The following SHISA9 variants were observed in gnomAD, a reference collection of about 807,000 sequenced individuals.
SHISA9 encodes shisa family member 9, also known as protein shisa-9.
A neutral mutation model predicts 38.0 loss-of-function variants in SHISA9; 13 were observed. That is an observed-to-expected ratio of 0.34 (90% CI 0.22 to 0.54). SHISA9 has a LOEUF of 0.54. Among genes scored for constraint, SHISA9 ranks in the 20% least tolerant of loss-of-function variants. The probability of loss-of-function intolerance (pLI) is 0.91; values close to 1 mark genes in which losing one functional copy is unlikely to be tolerated. For missense variants in SHISA9, 538 were observed against 575.8 expected, an observed-to-expected ratio of 0.93 and a Z score of 0.67; for synonymous variants, 275 against 242.0, an observed-to-expected ratio of 1.14 and a Z score of -1.27.
the SHISA9 span, among the ~76,000 whole-genome samples, chr16:13,379,047 T>C: frequency 0.013 from 1,914 of 152,196 alleles, 47 homozygotes; most frequent in African/African-American, 0.043. Context: ...CATCACTCAA[T>C]TCCCAGTGGT....
Position 13,124,415 on chromosome 16 carries a change from C to G in SHISA9, c.692-78979C>G, listed in dbSNP as rs564118991. ...GGAGGGATGGTGTCAGTTCCCCAAG[C>G]CCAAGAAAGGTTGGACCTGTTAGAG... On this transcript the variant is annotated intron_variant, in intron 2 of 4. Coordinates refer to ENST00000558583, the MANE Select transcript of SHISA9 (RefSeq NM_001145204.3). 5.3e-5 allele frequency among the ~76,000 whole-genome samples: 8 copies of G among 152,252 alleles called. No homozygotes were observed. In the East Asian group the frequency reaches 1.4e-3, roughly 26 times the overall value.
chr16:12,904,988 G>A (rs1351455855), intron 1 of SHISA9, among the ~76,000 whole-genome samples: 1 of 152,090 alleles, frequency 6.6e-6, no homozygotes, highest in East Asian at 1.9e-4. Context: ...AAAGTGCTAG[G>A]ACTACAGGCA....
chr16:13,005,356 G>A (rs2072585225), intron 2 of SHISA9, among the ~76,000 whole-genome samples: 1 of 152,124 alleles, frequency 6.6e-6, no homozygotes, highest in Admixed American at 6.5e-5. Flanking sequence ...AAGATGCTGG[G>A]GTATGGGTGA....
intron 2 of SHISA9, among the ~76,000 whole-genome samples, chr16:13,031,112 C>T (rs1170113806): frequency 1.3e-5 from 2 of 152,138 alleles, no homozygotes; most frequent in South Asian, 2.1e-4. Context: ...CCAGGTCCCG[C>T]GGGGCACTGT....
At chr16:13,038,424 C>T (rs1269085842) in intron 2 of SHISA9, among the ~76,000 whole-genome samples, 13 of 152,236 alleles carry the variant, frequency 8.5e-5, no homozygotes, top group Admixed American at 7.9e-4. Context: ...CTGGCTCCAG[C>T]CTCACCTTGT....
At chr16:13,440,089 G>C in the SHISA9 span, among the ~76,000 whole-genome samples, 1 of 152,226 alleles carries the variant, frequency 6.6e-6, no homozygotes, top group South Asian at 2.1e-4. Context: ...TGGAGGAGGG[G>C]AGGTCTGGTA....
the SHISA9 span, among the ~76,000 whole-genome samples, chr16:13,263,453 T>G: frequency 6.6e-5 from 10 of 152,214 alleles, no homozygotes; most frequent in South Asian, 1.5e-3. Context: ...GATTGAAAAG[T>G]ATATAGCACC....
the SHISA9 span, among the ~76,000 whole-genome samples, chr16:13,295,868 C>A: frequency 2.0e-5 from 3 of 152,174 alleles, no homozygotes; most frequent in Admixed American, 2.0e-4. Flanking sequence ...AGCATTGATT[C>A]AGAGAGGACT....
chr16:13,357,778 C>T, the SHISA9 span, among the ~76,000 whole-genome samples: 101 of 145,578 alleles, frequency 6.9e-4, 3 homozygotes, highest in East Asian at 0.015. Flanking sequence ...GAGTGGGGGT[C>T]GCAAGGTGCT....
intron 2 of SHISA9, among the ~76,000 whole-genome samples, chr16:12,988,589 A>G (rs996403780): frequency 8.5e-5 from 13 of 152,072 alleles, no homozygotes; most frequent in Non-Finnish European, 1.8e-4. Flanking sequence ...CAGTGGCGCG[A>G]TTTCAGCTCA....
the SHISA9 span, among the ~76,000 whole-genome samples, chr16:13,412,290 G>C: frequency 6.6e-6 from 1 of 152,156 alleles, no homozygotes; most frequent in Admixed American, 6.5e-5. Flanking sequence ...CACCACATGA[G>C]TTACATGGGC....
the SHISA9 span, among the ~76,000 whole-genome samples, chr16:13,362,787 G>A: frequency 0.73 from 111,007 of 151,950 alleles, 40,847 homozygotes; most frequent in South Asian, 0.85. Flanking sequence ...GCAAAGTCCC[G>A]TTCTTTTCAT....
chr16:13,116,587 A>T (rs913149489), intron 2 of SHISA9, among the ~76,000 whole-genome samples: 2 of 152,200 alleles, frequency 1.3e-5, no homozygotes, highest in Non-Finnish European at 2.9e-5. Context: ...CCTAGAAACC[A>T]GTCTAGAAAA....
At chr16:13,256,902 A>T in the SHISA9 span, among the ~76,000 whole-genome samples, 1 of 152,238 alleles carries the variant, frequency 6.6e-6, no homozygotes. Flanking sequence ...TGTTGAAATC[A>T]GTGAACCTTC....
At chr16:13,465,758 A>G in the SHISA9 span, among the ~76,000 whole-genome samples, 1 of 152,106 alleles carries the variant, frequency 6.6e-6, no homozygotes, top group East Asian at 1.9e-4. Context: ...TCCCCCCTCT[A>G]CCTCTCCAGA....
intron 2 of SHISA9, among the ~76,000 whole-genome samples, chr16:12,991,875 G>GA (rs1197259365): frequency 1.3e-5 from 2 of 151,396 alleles, no homozygotes; most frequent in Non-Finnish European, 2.9e-5. Flanking sequence ...ATGTACATTA[G>GA]AAAAAAAATA....
intron 4 of SHISA9, among the ~76,000 whole-genome samples, chr16:13,233,210 G>C (rs1167275946): frequency 6.6e-6 from 1 of 151,800 alleles, no homozygotes; most frequent in Non-Finnish European, 1.5e-5. Flanking sequence ...ATAGAAATCT[G>C]GGCAAGATAA....
chr16:13,475,835 C>A, the SHISA9 span, among the ~76,000 whole-genome samples: 3 of 152,152 alleles, frequency 2.0e-5, no homozygotes, highest in Non-Finnish European at 4.4e-5. Flanking sequence ...GTTAGATTTT[C>A]ATAAGGAACA....
At chr16:13,210,954 CT>C (rs1356374264) in intron 3 of SHISA9, among the ~76,000 whole-genome samples, 4 of 152,166 alleles carry the variant, frequency 2.6e-5, no homozygotes. Flanking sequence ...CCCTGCTCTT[CT>C]GGGGGAAGGA....
Sources: gnomAD v4.1 joint callset for allele counts (sites outside exome capture counted in the v4.1 genomes callset) on GRCh38, gnomAD v4.1.1 for gene constraint, MANE v1.5 for transcripts, NCBI Gene and HGNC (gene_info 2026-07-23, HGNC 2026-07-21) for gene names.